Variants in CTNNA3 observed in about 807,000 individuals in gnomAD.
CTNNA3 encodes catenin alpha-3.
Under a neutral mutation model 95.7 loss-of-function variants are expected in CTNNA3, and 76 were observed. That is an observed-to-expected ratio of 0.79 (90% CI 0.66 to 0.96). The LOEUF (loss-of-function observed/expected upper bound fraction) is 0.96, where lower values mean the gene tolerates loss of function less well. Ranked by LOEUF, CTNNA3 falls within the 40% of genes least tolerant of loss-of-function variation. The probability of loss-of-function intolerance (pLI) is 0.00; values close to 1 mark genes in which losing one functional copy is unlikely to be tolerated. For synonymous variants in CTNNA3, 431 were observed against 374.4 expected (o/e 1.15, Z -1.74); for missense variants, 1,191 against 1,089.8 (o/e 1.09, Z -1.31).
intron 11 of CTNNA3, among the ~76,000 whole-genome samples, chr10:66,509,151 C>A (rs1224576010): frequency 6.6e-6 from 1 of 152,096 alleles, no homozygotes; most frequent in Non-Finnish European, 1.5e-5. Flanking sequence ...TGATTTTGAG[C>A]ATTTTTCCAT....
rs912635365 is a variant in CTNNA3, at chr10:67,650,976, C to T, written c.-5-3458G>A. Among the ~76,000 whole-genome samples, 9 of 151,950 alleles carry T rather than the reference C, an allele frequency of 5.9e-5. 1 individual carries two copies. The highest frequency in any genetic ancestry group is 2.2e-4 in the African/African-American group (9 of 41,370). On this transcript the variant is annotated intron_variant, in intron 1 of 17. Coordinates refer to ENST00000433211, the MANE Select transcript of CTNNA3 (RefSeq NM_013266.4). ...CACCACCCCCTCCCCCACTGCCTCC[C>T]CACTCTTCACCACCCACTCTAGAGC...
intron 7 of CTNNA3, among the ~76,000 whole-genome samples, chr10:66,973,484 C>T (rs1459928609): frequency 6.6e-6 from 1 of 152,066 alleles, no homozygotes; most frequent in African/African-American, 2.4e-5. Context: ...TTTTGGTAAC[C>T]AAGCAATTCT....
At chr10:66,470,816 G>A (rs1178147080) in intron 11 of CTNNA3, among the ~76,000 whole-genome samples, 1 of 151,812 alleles carries the variant, frequency 6.6e-6, no homozygotes, top group African/African-American at 2.4e-5. Flanking sequence ...TAATTAAAAT[G>A]TCATTAATTC....
In CTNNA3 at chr10:66,520,641, T is replaced by G. The variant is rs147802834; in HGVS notation, c.1507A>C (p.Ile503Leu). The G allele has an allele frequency of 2.4e-5, 38 of 1,609,382 alleles. No homozygotes were observed. The highest frequency in any genetic ancestry group is 3.2e-5 in the Non-Finnish European group (38 of 1,177,656). Residue 503 changes from isoleucine to leucine, a missense_variant, in exon 11 of 18, where the codon ATT (isoleucine) becomes CTT (leucine). By Grantham distance (5) the Ile-to-Leu change is conservative. Coordinates refer to ENST00000433211, the MANE Select transcript of CTNNA3 (RefSeq NM_013266.4). ...LTEAVDDITS[I>L]DDFLAVSESH... ...CCAGATACAGCAAGGAAGTCATCAA[T>G]GCTTGTAATGTCATCTACGGCTTCA...
At chr10:67,381,621 A>G (rs1843951196) in intron 5 of CTNNA3, among the ~76,000 whole-genome samples, 1 of 152,148 alleles carries the variant, frequency 6.6e-6, no homozygotes, top group African/African-American at 2.4e-5. Flanking sequence ...CCTCTTTCAT[A>G]TAAAAAATAG....
chr10:67,505,381 A>G (rs191274657), intron 5 of CTNNA3, among the ~76,000 whole-genome samples: 1 of 152,344 alleles, frequency 6.6e-6, no homozygotes, highest in East Asian at 1.9e-4. Flanking sequence ...AAAAATGCAA[A>G]TTTAACATGA....
intron 15 of CTNNA3, among the ~76,000 whole-genome samples, chr10:66,063,726 ACTTAT>A (rs1191636218): frequency 5.3e-5 from 8 of 152,072 alleles, no homozygotes; most frequent in East Asian, 3.9e-4. Context: ...TCATTTTCTA[ACTTAT>A]CTTCTCTACA....
intron 11 of CTNNA3, among the ~76,000 whole-genome samples, chr10:66,513,819 G>T (rs1840745494): frequency 6.6e-6 from 1 of 152,196 alleles, no homozygotes; most frequent in African/African-American, 2.4e-5. Flanking sequence ...TCTATGTCCT[G>T]GGGAGAGCCT....
intron 7 of CTNNA3, among the ~76,000 whole-genome samples, chr10:67,149,237 T>G (rs1350317123): frequency 6.6e-6 from 1 of 152,170 alleles, no homozygotes; most frequent in East Asian, 1.9e-4. Flanking sequence ...AATCATGGCT[T>G]GGAAAATGCA....
chr10:66,667,129 A>G (rs927736843), intron 9 of CTNNA3, among the ~76,000 whole-genome samples: 3 of 152,004 alleles, frequency 2.0e-5, no homozygotes, highest in Non-Finnish European at 4.4e-5. Flanking sequence ...TATTTTCACT[A>G]CCGCGAGGTT....
chr10:66,359,632 T>G (rs182547105), intron 12 of CTNNA3, among the ~76,000 whole-genome samples: 25 of 152,298 alleles, frequency 1.6e-4, no homozygotes, highest in African/African-American at 5.3e-4. Flanking sequence ...ACCTCTGTTC[T>G]GTTTTGCATT....
chr10:67,226,927 G>A (rs1441751565), intron 5 of CTNNA3, among the ~76,000 whole-genome samples: 2 of 152,062 alleles, frequency 1.3e-5, no homozygotes, highest in Non-Finnish European at 2.9e-5. Flanking sequence ...TTAAATGCTC[G>A]ACTTAAAAGA....
At chr10:66,720,929 A>G (rs867121451) in intron 9 of CTNNA3, among the ~76,000 whole-genome samples, 3 of 152,212 alleles carry the variant, frequency 2.0e-5, no homozygotes, top group Admixed American at 6.5e-5. Flanking sequence ...ATCAGGACCT[A>G]TGGTAAATGT....
At chr10:67,682,080 C>A (rs1008348827) in intron 1 of CTNNA3, among the ~76,000 whole-genome samples, 3 of 151,680 alleles carry the variant, frequency 2.0e-5, no homozygotes, top group Admixed American at 1.3e-4. Context: ...ATTGCTTGAA[C>A]CCAGGAGGCA....
chr10:65,954,282 A>G (rs1389981101), intron 17 of CTNNA3, among the ~76,000 whole-genome samples: 1 of 152,188 alleles, frequency 6.6e-6, no homozygotes, highest in African/African-American at 2.4e-5. Context: ...GATTCTGGAT[A>G]TTAGACCTTT....
intron 5 of CTNNA3, among the ~76,000 whole-genome samples, chr10:67,454,662 T>C (rs1402569538): frequency 3.3e-5 from 5 of 152,040 alleles, no homozygotes; most frequent in African/African-American, 1.2e-4. Context: ...AAATGAGGAG[T>C]GAATTAGATC....
chr10:66,053,726 G>T (rs1317844707), intron 15 of CTNNA3, among the ~76,000 whole-genome samples: 4 of 151,972 alleles, frequency 2.6e-5, no homozygotes, highest in Non-Finnish European at 5.9e-5. Flanking sequence ...TTAAATAAGG[G>T]TGGCTGTGGT....
chr10:67,726,256 T>C (rs1272185721), intron 1 of CTNNA3, among the ~76,000 whole-genome samples: 1 of 78,282 alleles, frequency 1.3e-5, no homozygotes, highest in Non-Finnish European at 2.1e-5. Flanking sequence ...ATATATAATA[T>C]TGTATTACAT....
At chr10:65,985,789 G>C (rs1050750516) in intron 16 of CTNNA3, among the ~76,000 whole-genome samples, 1 of 151,404 alleles carries the variant, frequency 6.6e-6, no homozygotes, top group Non-Finnish European at 1.5e-5. Flanking sequence ...CATTAGCTAA[G>C]AGAAAGAAAT....
Sources: gnomAD v4.1 joint callset for allele counts (sites outside exome capture counted in the v4.1 genomes callset) on GRCh38, gnomAD v4.1.1 for gene constraint, MANE v1.5 for transcripts, NCBI Gene and HGNC (gene_info 2026-07-23, HGNC 2026-07-21) for gene names.